The following SEMA3A variants were observed in gnomAD, a reference collection of about 807,000 sequenced individuals.
SEMA3A encodes the protein semaphorin-3A.
A neutral mutation model predicts 97.9 loss-of-function variants in SEMA3A; 29 were observed. The observed-to-expected ratio is 0.30, with a 90% CI of 0.22 to 0.40. SEMA3A has a LOEUF of 0.40. Ranked by LOEUF, SEMA3A falls within the 10% of genes least tolerant of loss-of-function variation. SEMA3A has a pLI of 1.00. For synonymous variants in SEMA3A, 321 were observed against 323.7 expected (o/e 0.99, Z 0.09); for missense variants, 763 against 951.3 (o/e 0.80, Z 2.60).
intron 6 of SEMA3A, among the ~76,000 whole-genome samples, chr7:84,022,290 G>A (rs1202646446): frequency 2.0e-5 from 3 of 152,104 alleles, no homozygotes; most frequent in Admixed American, 1.3e-4. Context: ...GGTAACCTAA[G>A]AAAGTTCATG....
chr7:84,014,069 C>T (rs1042330740), intron 7 of SEMA3A, 140 bp downstream of exon 7: 4 of 656,918 alleles, frequency 6.1e-6, no homozygotes, highest in Non-Finnish European at 1.0e-5. Context: ...AATATTCAAT[C>T]ATTATTTACC....
intron 3 of SEMA3A, among the ~76,000 whole-genome samples, chr7:84,302,775 G>C (rs1039056990): frequency 6.6e-6 from 1 of 152,156 alleles, no homozygotes. Context: ...TATCTTGGGA[G>C]CCAGATCTTA....
At chr7:84,127,548 T>C (rs1795836690) in intron 3 of SEMA3A, among the ~76,000 whole-genome samples, 1 of 152,194 alleles carries the variant, frequency 6.6e-6, no homozygotes, top group Non-Finnish European at 1.5e-5. Flanking sequence ...GTGTCATGAA[T>C]ATTTTAACAT....
intron 1 of SEMA3A, among the ~76,000 whole-genome samples, chr7:84,380,098 T>A (rs1803218987): frequency 6.6e-6 from 1 of 152,320 alleles, no homozygotes; most frequent in Admixed American, 6.5e-5. Context: ...GTTCAGCATA[T>A]GTTCCCAAAT....
At chr7:83,966,279 T>C (rs922739918) in intron 15 of SEMA3A, among the ~76,000 whole-genome samples, 2 of 152,206 alleles carry the variant, frequency 1.3e-5, no homozygotes, top group African/African-American at 2.4e-5. Flanking sequence ...TATAGACTTA[T>C]AGACTATAAG....
chr7:84,315,485 C>T (rs1173517857), intron 2 of SEMA3A, among the ~76,000 whole-genome samples: 2 of 152,022 alleles, frequency 1.3e-5, no homozygotes, highest in Non-Finnish European at 2.9e-5. Flanking sequence ...AATAAAAAAT[C>T]ATCTAGATGG....
chr7:84,105,364 A>G (rs550164759), intron 4 of SEMA3A, among the ~76,000 whole-genome samples: 61 of 152,302 alleles, frequency 4.0e-4, no homozygotes, highest in African/African-American at 1.4e-3. Flanking sequence ...GGATTGATTC[A>G]AAGTTTTGCA....
At chr7:84,070,488 G>A (rs1024092206) in intron 4 of SEMA3A, among the ~76,000 whole-genome samples, 1 of 152,034 alleles carries the variant, frequency 6.6e-6, no homozygotes, top group Non-Finnish European at 1.5e-5. Context: ...TAGTTGTTGT[G>A]TTTAATGATT....
chr7:84,183,519 A>T (rs1364696635), intron 1 of SEMA3A, among the ~76,000 whole-genome samples: 2 of 151,996 alleles, frequency 1.3e-5, no homozygotes, highest in Admixed American at 1.3e-4. Context: ...GAAATGACTT[A>T]GCAAGGCAGA....
At chr7:84,430,593 T>A (rs2116317618) in intron 1 of SEMA3A, among the ~76,000 whole-genome samples, 1 of 152,118 alleles carries the variant, frequency 6.6e-6, no homozygotes, top group East Asian at 1.9e-4. Flanking sequence ...GAAAAATAGG[T>A]AAAAATTGTA....
intron 3 of SEMA3A, among the ~76,000 whole-genome samples, chr7:84,208,467 A>G (rs1798551508): frequency 6.6e-6 from 1 of 152,218 alleles, no homozygotes; most frequent in South Asian, 2.1e-4. Flanking sequence ...AAGAACGGAA[A>G]GACAAATGAA....
chr7:84,178,373 C>G (rs1797639299), intron 1 of SEMA3A, among the ~76,000 whole-genome samples: 1 of 152,116 alleles, frequency 6.6e-6, no homozygotes, highest in Non-Finnish European at 1.5e-5. Flanking sequence ...AAGCCCTTTG[C>G]TGAGTGCTCC....
Position 84,064,101 on chromosome 7 carries a change from G to T in SEMA3A, c.454-3543C>A, listed in dbSNP as rs375725454. 3.1e-3 allele frequency among the ~76,000 whole-genome samples: 465 copies of T among 152,160 alleles called. 3 individuals carry two copies. Among genetic ancestry groups the T allele is most frequent in the African/African-American group, 9.2e-3 (380 of 41,474 alleles). On this transcript the variant is annotated intron_variant, in intron 4 of 16. Transcript: ENST00000265362. ...AGAAACCCTACAAGCCAGAAGAGAG[G>T]GGGGGCCAATATTCAACATTCTTAA... is the stretch of plus-strand genomic sequence containing the variant.
intron 1 of SEMA3A, among the ~76,000 whole-genome samples, chr7:84,385,996 A>T (rs1317765158): frequency 6.6e-6 from 1 of 152,188 alleles, no homozygotes; most frequent in Non-Finnish European, 1.5e-5. Flanking sequence ...CCAAAGTCAC[A>T]TATTTGTCAA....
chr7:84,433,260 T>A (rs943020770), intron 1 of SEMA3A, among the ~76,000 whole-genome samples: 1 of 147,380 alleles, frequency 6.8e-6, no homozygotes, highest in Non-Finnish European at 1.5e-5. Context: ...CAGTGTGTGA[T>A]GTTCCCCTCC....
chr7:84,487,980 G>C (rs952308716), intron 1 of SEMA3A, among the ~76,000 whole-genome samples: 1 of 151,936 alleles, frequency 6.6e-6, no homozygotes, highest in Non-Finnish European at 1.5e-5. Flanking sequence ...TTTGTCTTGC[G>C]TAAGTCTGCT....
rs1584476344 is a variant in SEMA3A at position 83,957,534 on chromosome 7, T to A, written c.*3837A>T. On this transcript the variant is annotated 3_prime_UTR_variant, in exon 17 of 17. Coordinates refer to ENST00000265362, the MANE Select transcript of SEMA3A (RefSeq NM_006080.3). ...TGCATGTTTGAAATGATAACAAAGC[T>A]GTTTTCCTTGGTTACGTTGATTGCG... 6.6e-6 allele frequency: 1 copy of A among 152,198 alleles called. No individual in the cohort carries two copies. Among genetic ancestry groups the A allele is most frequent in the East Asian group, 1.9e-4 (1 of 5,174 alleles). The allele number at this position is 152,198 out of a possible 1,614,324, so 9.4% of individuals were successfully genotyped here.
chr7:84,059,557 GATTT>G (rs781275209), intron 5 of SEMA3A, among the ~76,000 whole-genome samples: 40 of 151,688 alleles, frequency 2.6e-4, no homozygotes, highest in Admixed American at 1.2e-3. Context: ...TTTTAATCAA[GATTT>G]ATTATTTAAA....
intron 6 of SEMA3A, among the ~76,000 whole-genome samples, chr7:84,032,574 G>T (rs1174211623): frequency 6.6e-6 from 1 of 152,032 alleles, no homozygotes; most frequent in Non-Finnish European, 1.5e-5. Context: ...ATTCAAGGCA[G>T]AAAAGCAGAT....
Sources: gnomAD v4.1 joint callset for allele counts (sites outside exome capture counted in the v4.1 genomes callset) on GRCh38, gnomAD v4.1.1 for gene constraint, MANE v1.5 for transcripts, NCBI Gene and HGNC (gene_info 2026-07-23, HGNC 2026-07-21) for gene names.